ZNF148: variants seen among roughly 807,000 people sequenced by gnomAD.
ZNF148 encodes Beta-Enolase Repressor Factor-1.
ZNF148 carries 7 observed loss-of-function variants against 67.7 expected under a neutral mutation model. The ratio of observed to expected loss-of-function variants is 0.10; its 90% CI spans 0.06 to 0.19. The LOEUF is 0.19. ZNF148 is among the 10% of genes least tolerant of loss of function. The pLI, the probability that ZNF148 is intolerant of heterozygous loss-of-function variation, is 1.00. For synonymous variants in ZNF148, 333 were observed against 330.7 expected (o/e 1.01, Z -0.08); for missense variants, 583 against 947.1 (o/e 0.62, Z 5.05).
chr3:125,265,141 C>T (rs939043360), intron 7 of ZNF148, among the ~76,000 whole-genome samples: 5 of 152,212 alleles, frequency 3.3e-5, no homozygotes, highest in Admixed American at 3.3e-4. Context: ...TCTGTTACTA[C>T]TGCTTATTTT....
At chr3:125,329,799 T>C (rs1024967757) in intron 2 of ZNF148, among the ~76,000 whole-genome samples, 3 of 152,152 alleles carry the variant, frequency 2.0e-5, no homozygotes, top group Non-Finnish European at 4.4e-5. Flanking sequence ...ATCAGAATAC[T>C]ATGCAGCATA....
intron 1 of ZNF148, among the ~76,000 whole-genome samples, chr3:125,361,641 T>C (rs2107782558): frequency 6.6e-6 from 1 of 152,202 alleles, no homozygotes; most frequent in Non-Finnish European, 1.5e-5. Flanking sequence ...ACACCAGCCC[T>C]GGCCAACATG....
intron 5 of ZNF148, among the ~76,000 whole-genome samples, chr3:125,280,092 A>G (rs954154872): frequency 2.0e-5 from 3 of 152,192 alleles, no homozygotes; most frequent in Non-Finnish European, 4.4e-5. Context: ...AGAACTACTA[A>G]ATTATTATTA....
At chr3:125,335,596 A>G (rs1007674384) in intron 1 of ZNF148, among the ~76,000 whole-genome samples, 4 of 152,222 alleles carry the variant, frequency 2.6e-5, no homozygotes, top group Non-Finnish European at 5.9e-5. Flanking sequence ...CAACATAAAT[A>G]GGTTAGTCCA....
At position 125,332,997 on chromosome 3, in the gene ZNF148, A is replaced by C. The variant is rs564050902; in HGVS notation, c.-233-1759T>G. On this transcript the variant is annotated intron_variant, in intron 1 of 8. Transcript: ENST00000360647. ...GAAAAGGACACTGCAAAGCCTATAG[A>C]CAGGGAAAAAAATGTCTTCACATTA... Among the ~76,000 whole-genome samples, 15 of 152,328 alleles carry C rather than the reference A, an allele frequency of 9.8e-5. No individual in the cohort carries two copies. The South Asian group carries it at 3.1e-3, about 32-fold the overall frequency.
At chr3:125,249,360 G>A (rs1936736337) in intron 7 of ZNF148, among the ~76,000 whole-genome samples, 1 of 151,982 alleles carries the variant, frequency 6.6e-6, no homozygotes, top group Non-Finnish European at 1.5e-5. Flanking sequence ...ATGGGCAAAG[G>A]ACCTGAATAT....
chr3:125,369,253 T>A (rs1218673983), intron 1 of ZNF148, among the ~76,000 whole-genome samples: 1 of 76,212 alleles, frequency 1.3e-5, no homozygotes. Context: ...CAGAGTGAGA[T>A]CCTGCCTCAA....
chr3:125,367,899 C>T (rs1942750773), intron 1 of ZNF148, among the ~76,000 whole-genome samples: 1 of 152,116 alleles, frequency 6.6e-6, no homozygotes, highest in South Asian at 2.1e-4. Context: ...TCAACATCTA[C>T]CAACAAATGT....
At chr3:125,325,380 G>A (rs1056106071) in intron 2 of ZNF148, among the ~76,000 whole-genome samples, 3 of 151,850 alleles carry the variant, frequency 2.0e-5, no homozygotes, top group African/African-American at 7.3e-5. Context: ...ACAACATTCA[G>A]CTTACCAACA....
At chr3:125,296,844 G>C (rs537308042) in intron 4 of ZNF148, among the ~76,000 whole-genome samples, 1 of 151,702 alleles carries the variant, frequency 6.6e-6, no homozygotes, top group Non-Finnish European at 1.5e-5. Flanking sequence ...ATGGTTTAAG[G>C]TAAAGTAATA....
intron 7 of ZNF148, among the ~76,000 whole-genome samples, chr3:125,275,189 A>G (rs73195448): frequency 0.057 from 8,637 of 152,326 alleles, 322 homozygotes; most frequent in Non-Finnish European, 0.088. Flanking sequence ...GGAGGGAACA[A>G]TAGGGCAGAA....
At position 125,237,107 on chromosome 3, in the gene ZNF148, G is replaced by A. The variant is rs76993517; in HGVS notation, c.668-2778C>T. Among the ~76,000 whole-genome samples, 1,781 of 152,280 alleles carry A rather than the reference G, an allele frequency of 0.012. 110 individuals carry two copies. The East Asian group carries it at 0.18, about 15-fold the overall frequency. ...CCAGAATAAGCACTGTTTAGGACAG[G>A]GAGACTGAATTGACTGAAGGCAGAG... On this transcript the variant is annotated intron_variant, in intron 7 of 8. Transcript: ENST00000360647.
At chr3:125,295,568 T>C (rs1366972314) in intron 4 of ZNF148, among the ~76,000 whole-genome samples, 1 of 152,048 alleles carries the variant, frequency 6.6e-6, no homozygotes, top group African/African-American at 2.4e-5. Context: ...AGAAGTAGTA[T>C]GGCAAAACAA....
rs1040153911 is a variant in ZNF148, at chr3:125,228,961, T to G, written c.*3380A>C. On this transcript the variant is annotated 3_prime_UTR_variant, in exon 9 of 9. Coordinates refer to ENST00000360647, the MANE Select transcript of ZNF148 (RefSeq NM_021964.3). ...CTTTAGTTTGTTTCCTACCAAAGTT[T>G]AAGTGAAAAAAGGAAACACGGTTTT... 1.3e-5 allele frequency: 2 copies of G among 152,676 alleles called. No individual in the cohort carries two copies. The highest frequency in any genetic ancestry group is 3.9e-4 in the East Asian group (2 of 5,182). The allele number at this position is 152,676 out of a possible 1,614,324, so 9.5% of individuals were successfully genotyped here.
At chr3:125,311,418 A>C (rs1470093576) in intron 4 of ZNF148, 2 of 152,230 alleles carry the variant, frequency 1.3e-5, no homozygotes, top group Non-Finnish European at 2.9e-5. Context: ...TTTTTGCTTA[A>C]AGCATTTTGG....
intron 1 of ZNF148, among the ~76,000 whole-genome samples, chr3:125,341,881 A>G (rs1941736879): frequency 6.6e-6 from 1 of 151,850 alleles, no homozygotes; most frequent in African/African-American, 2.4e-5. Context: ...CTGTAGTCCC[A>G]GCTACTCAGG....
At chr3:125,359,547 A>C (rs1303513663) in intron 1 of ZNF148, among the ~76,000 whole-genome samples, 1 of 152,230 alleles carries the variant, frequency 6.6e-6, no homozygotes, top group Non-Finnish European at 1.5e-5. Flanking sequence ...TAGTTCCCTT[A>C]GGACATCTCA....
At chr3:125,352,641 C>T (rs561559602) in intron 1 of ZNF148, among the ~76,000 whole-genome samples, 5 of 142,336 alleles carry the variant, frequency 3.5e-5, no homozygotes, top group Non-Finnish European at 6.0e-5. Context: ...CCTGTGGTCA[C>T]GGACTGAAGG....
intron 3 of ZNF148, among the ~76,000 whole-genome samples, chr3:125,317,688 T>TAA (rs1940581633): frequency 8.4e-6 from 1 of 119,700 alleles, no homozygotes; most frequent in Non-Finnish European, 1.7e-5. Context: ...GAAATACATA[T>TAA]ACACACACAC....
Sources: gnomAD v4.1 joint callset for allele counts (sites outside exome capture counted in the v4.1 genomes callset) on GRCh38, gnomAD v4.1.1 for gene constraint, MANE v1.5 for transcripts, NCBI Gene and HGNC (gene_info 2026-07-23, HGNC 2026-07-21) for gene names.